SPTLC3: variants seen among roughly 807,000 people sequenced by gnomAD.
SPTLC3 encodes the protein serine palmitoyltransferase long chain base subunit 3.
Under a neutral mutation model 59.3 loss-of-function variants are expected in SPTLC3, and 36 were observed. That is an observed-to-expected ratio of 0.61 (90% CI 0.47 to 0.80). SPTLC3 has a LOEUF of 0.80. Ranked by LOEUF, SPTLC3 falls within the 30% of genes least tolerant of loss-of-function variation. The probability of loss-of-function intolerance (pLI) is 0.00; values close to 1 mark genes in which losing one functional copy is unlikely to be tolerated. For missense variants in SPTLC3, 625 were observed against 685.1 expected (o/e 0.91, Z 0.98); for synonymous variants, 257 against 240.8 (o/e 1.07, Z -0.62).
At chr20:13,032,807 G>A (rs1419929452) in intron 1 of SPTLC3, among the ~76,000 whole-genome samples, 1 of 152,156 alleles carries the variant, frequency 6.6e-6, no homozygotes, top group Non-Finnish European at 1.5e-5. Flanking sequence ...GATCCTCACT[G>A]TTTTGTTGGC....
intron 8 of SPTLC3, among the ~76,000 whole-genome samples, chr20:13,124,928 GAGGA>G (rs1215227329): frequency 6.6e-6 from 1 of 152,198 alleles, no homozygotes; most frequent in East Asian, 1.9e-4. Flanking sequence ...TCACCTTCAT[GAGGA>G]AGGAAGACAT....
intron 8 of SPTLC3, among the ~76,000 whole-genome samples, 157 bp from the exon 9 acceptor site, chr20:13,126,434 G>A (rs2037991590): frequency 6.6e-6 from 1 of 152,194 alleles, no homozygotes; most frequent in Non-Finnish European, 1.5e-5. Flanking sequence ...AAAATAAATA[G>A]TTTGATGAAA....
Position 13,117,531 on chromosome 20 carries a change from C to T in SPTLC3, c.958C>T (p.Pro320Ser), listed in dbSNP as rs1463188292. ...YSMEGSIVHL[P>S]QIIALKKKYK... ...CATGGAAGGTTCCATCGTGCATCTG[C>T]CCCAGATCATAGCTCTAAAGAAGAA... Residue 320 changes from proline (P) to serine (S), a missense_variant, in exon 8 of 12, where the codon CCC becomes TCC. Transcript: ENST00000399002. 6.2e-7 allele frequency: 1 copy of T among 1,605,514 alleles called. No homozygotes were observed. Among genetic ancestry groups the T allele is most frequent in the Middle Eastern group, 1.7e-4 (1 of 5,990 alleles).
intron 9 of SPTLC3, among the ~76,000 whole-genome samples, chr20:13,130,476 C>T (rs1048956185): frequency 3.3e-5 from 5 of 152,212 alleles, no homozygotes; most frequent in Admixed American, 6.5e-5. Flanking sequence ...CAAAGCCATA[C>T]GCTTCAAAGA....
chr20:13,111,797 G>A (rs1011117949), intron 7 of SPTLC3, among the ~76,000 whole-genome samples: 4 of 152,174 alleles, frequency 2.6e-5, no homozygotes. Context: ...CAAATAAATA[G>A]AACTTGGCTC....
chr20:13,048,146 T>C (rs1402126226), intron 1 of SPTLC3, among the ~76,000 whole-genome samples: 1 of 152,174 alleles, frequency 6.6e-6, no homozygotes, highest in Non-Finnish European at 1.5e-5. Context: ...TAAATATATA[T>C]GCACCCAATA....
intron 7 of SPTLC3, among the ~76,000 whole-genome samples, chr20:13,114,250 G>C (rs1472739828): frequency 6.6e-6 from 1 of 152,116 alleles, no homozygotes; most frequent in African/African-American, 2.4e-5. Flanking sequence ...GCATGATTTG[G>C]GGTTTAAAAC....
intron 7 of SPTLC3, among the ~76,000 whole-genome samples, chr20:13,112,747 C>G (rs1990305591): frequency 6.6e-6 from 1 of 152,196 alleles, no homozygotes; most frequent in South Asian, 2.1e-4. Flanking sequence ...AACAGGGCAT[C>G]TCTTTGACAA....
rs1184009287 is a variant in SPTLC3 at position 13,153,990 on chromosome 20, T to C, written c.1280-13T>C. ...AGTGGGAATTGATGGATTTCACGCC[T>C]GTCTCTTTTCAGGGCTGCAGAGAGT... On this transcript the variant is annotated splice_polypyrimidine_tract_variant and intron_variant, in intron 9 of 11. Coordinates refer to ENST00000399002, the MANE Select transcript of SPTLC3 (RefSeq NM_018327.4). 1.6e-5 allele frequency: 26 copies of C among 1,612,866 alleles called. No homozygotes were observed. The Middle Eastern group carries it at 8.3e-4, about 51-fold the overall frequency.
chr20:13,163,373 A>T (rs2038933193), intron 11 of SPTLC3, among the ~76,000 whole-genome samples: 1 of 150,366 alleles, frequency 6.7e-6, no homozygotes, highest in Admixed American at 6.6e-5. Context: ...GTCTCAAAAA[A>T]AAAAAAAAAA....
chr20:13,031,594 T>C (rs1266320594), intron 1 of SPTLC3, among the ~76,000 whole-genome samples: 2 of 152,156 alleles, frequency 1.3e-5, no homozygotes. Flanking sequence ...CTTAAAAGGT[T>C]CTATTTTTGT....
intron 2 of SPTLC3, chr20:13,049,969 C>G (rs1987410291): frequency 1.3e-5 from 2 of 152,324 alleles, no homozygotes; most frequent in Admixed American, 6.5e-5. Flanking sequence ...CAGCCCTAGA[C>G]TTTCCCAAAT....
At chr20:13,086,263 T>C (rs1268393017) in intron 4 of SPTLC3, among the ~76,000 whole-genome samples, 1 of 152,246 alleles carries the variant, frequency 6.6e-6, no homozygotes, top group African/African-American at 2.4e-5. Flanking sequence ...GCAAAGCTTC[T>C]AGTGACTACT....
chr20:13,051,128 C>T (rs1173843470), intron 2 of SPTLC3: 1 of 152,174 alleles, frequency 6.6e-6, no homozygotes, highest in Admixed American at 6.6e-5. Context: ...CTAAATGATC[C>T]ACTTAAAAGA....
chr20:13,148,158 T>C (rs2038558683), intron 9 of SPTLC3, among the ~76,000 whole-genome samples: 1 of 152,212 alleles, frequency 6.6e-6, no homozygotes, highest in Non-Finnish European at 1.5e-5. Flanking sequence ...CCTAAACATA[T>C]TTTTGGAAAT....
chr20:13,047,925 C>G (rs543618589), intron 1 of SPTLC3, among the ~76,000 whole-genome samples: 1 of 152,228 alleles, frequency 6.6e-6, no homozygotes, highest in South Asian at 2.1e-4. Flanking sequence ...TATTATAATG[C>G]TTTGCCCCTT....
chr20:13,076,523 G>A (rs549054816), intron 4 of SPTLC3, among the ~76,000 whole-genome samples: 2 of 151,440 alleles, frequency 1.3e-5, no homozygotes, highest in Admixed American at 6.6e-5. Flanking sequence ...TGTTCCAGGG[G>A]AAAAAGGAAA....
chr20:13,140,470 A>G (rs1477470927), intron 9 of SPTLC3, among the ~76,000 whole-genome samples: 1 of 152,316 alleles, frequency 6.6e-6, no homozygotes, highest in East Asian at 1.9e-4. Context: ...GAGCCCAGGT[A>G]GAGAAATAAA....
At chr20:13,131,260 C>T (rs575146763) in intron 9 of SPTLC3, among the ~76,000 whole-genome samples, 52 of 152,214 alleles carry the variant, frequency 3.4e-4, no homozygotes, top group Non-Finnish European at 7.1e-4. Context: ...CTTTCCCCAA[C>T]TCTGGGTAAA....
Sources: gnomAD v4.1 joint callset for allele counts (sites outside exome capture counted in the v4.1 genomes callset) on GRCh38, gnomAD v4.1.1 for gene constraint, MANE v1.5 for transcripts, NCBI Gene and HGNC (gene_info 2026-07-23, HGNC 2026-07-21) for gene names.